The following MYRIP variants were observed in gnomAD, a reference collection of about 807,000 sequenced individuals.
MYRIP encodes rab effector MyRIP.
MYRIP carries 49 observed loss-of-function variants against 98.0 expected under a neutral mutation model. The observed-to-expected ratio is 0.50, with a 90% CI of 0.40 to 0.63. MYRIP has a LOEUF of 0.63. MYRIP is among the 30% of genes least tolerant of loss of function. The probability of loss-of-function intolerance (pLI) is 0.00; values close to 1 mark genes in which losing one functional copy is unlikely to be tolerated. For missense variants in MYRIP, 1,004 were observed against 1,058.2 expected (o/e 0.95, Z 0.71); for synonymous variants, 404 against 409.5 (o/e 0.99, Z 0.16).
intron 2 of MYRIP, among the ~76,000 whole-genome samples, chr3:39,993,347 G>T (rs1287237566): frequency 2.0e-5 from 3 of 152,120 alleles, no homozygotes; most frequent in Non-Finnish European, 4.4e-5. Context: ...ACTTTTTGGG[G>T]AATATATCAA....
chr3:39,854,203 C>G (rs1942219048), intron 1 of MYRIP, among the ~76,000 whole-genome samples: 1 of 152,030 alleles, frequency 6.6e-6, no homozygotes, highest in South Asian at 2.1e-4. Flanking sequence ...TCTAGCAAGG[C>G]CAGAAAAGTT....
intron 1 of MYRIP, among the ~76,000 whole-genome samples, chr3:39,827,830 T>A (rs2125580883): frequency 6.6e-6 from 1 of 152,280 alleles, no homozygotes; most frequent in South Asian, 2.1e-4. Flanking sequence ...TTATTTATCC[T>A]TCAATTCTGA....
intron 1 of MYRIP, among the ~76,000 whole-genome samples, chr3:39,885,491 C>T (rs1050512676): frequency 2.0e-5 from 3 of 152,110 alleles, no homozygotes; most frequent in Non-Finnish European, 4.4e-5. Context: ...TTGCTCTTCT[C>T]GCGGAGTATC....
At chr3:39,877,217 A>G (rs780014529) in intron 1 of MYRIP, among the ~76,000 whole-genome samples, 13 of 151,978 alleles carry the variant, frequency 8.6e-5, no homozygotes, top group Non-Finnish European at 1.8e-4. Flanking sequence ...ACTTCTCTGT[A>G]TTGGTTGTTC....
intron 2 of MYRIP, among the ~76,000 whole-genome samples, chr3:39,918,204 G>A (rs1433371442): frequency 6.6e-6 from 1 of 152,114 alleles, no homozygotes; most frequent in African/African-American, 2.4e-5. Flanking sequence ...ATGAGCCACC[G>A]CGCCCGGCCC....
At position 39,928,863 on chromosome 3, in the gene MYRIP, A is replaced by G. The variant is rs187699936; in HGVS notation, c.110+27937A>G. Among the ~76,000 whole-genome samples the G allele has an allele frequency of 3.3e-5, 5 of 152,074 alleles. No individual in the cohort carries two copies. In the East Asian group the frequency reaches 9.6e-4, roughly 29 times the overall value. ...TAGATGAGAAAAGGAAATAAAATGCATATAGTTTGGAAAGTGTGATGCATA... is the reference window on the plus strand; with the variant it reads ...TAGATGAGAAAAGGAAATAAAATGCGTATAGTTTGGAAAGTGTGATGCATA... On this transcript the variant is annotated intron_variant, in intron 2 of 16. Transcript: ENST00000302541.
intron 1 of MYRIP, among the ~76,000 whole-genome samples, chr3:39,889,331 A>G (rs2125656589): frequency 6.6e-6 from 1 of 152,326 alleles, no homozygotes; most frequent in Non-Finnish European, 1.5e-5. Context: ...CATATACACC[A>G]TGGAATATTA....
At chr3:40,057,287 C>T (rs561474529) in intron 3 of MYRIP, among the ~76,000 whole-genome samples, 97 of 152,188 alleles carry the variant, frequency 6.4e-4, no homozygotes, top group Non-Finnish European at 1.1e-3. Context: ...CCAGGGTGTT[C>T]TTCACATTTT....
chr3:39,856,256 G>A (rs1350509297), intron 1 of MYRIP, among the ~76,000 whole-genome samples: 1 of 152,176 alleles, frequency 6.6e-6, no homozygotes, highest in African/African-American at 2.4e-5. Context: ...GTACATTCCT[G>A]TGGTGGTTCT....
At chr3:40,037,683 C>T (rs1217219156) in intron 2 of MYRIP, among the ~76,000 whole-genome samples, 1 of 151,854 alleles carries the variant, frequency 6.6e-6, no homozygotes, top group Non-Finnish European at 1.5e-5. Flanking sequence ...ATCCTCCTGC[C>T]TACCCTGAGA....
chr3:40,118,231 G>A (rs1157303306), intron 3 of MYRIP, among the ~76,000 whole-genome samples: 1 of 144,882 alleles, frequency 6.9e-6, no homozygotes, highest in East Asian at 2.0e-4. Context: ...TATGTTGGCA[G>A]AGGCTAATAT....
chr3:39,920,732 G>C (rs1391292166), intron 2 of MYRIP, among the ~76,000 whole-genome samples: 1 of 152,158 alleles, frequency 6.6e-6, no homozygotes, highest in Non-Finnish European at 1.5e-5. Flanking sequence ...AGTATGAAGT[G>C]GAAGCTTTGC....
At chr3:40,059,769 T>C (rs1313481609) in intron 3 of MYRIP, among the ~76,000 whole-genome samples, 1 of 152,186 alleles carries the variant, frequency 6.6e-6, no homozygotes, top group Non-Finnish European at 1.5e-5. Context: ...CCTTTTTAGA[T>C]ACTGGTCTAA....
At chr3:39,853,279 G>T (rs1251916734) in intron 1 of MYRIP, among the ~76,000 whole-genome samples, 1 of 152,130 alleles carries the variant, frequency 6.6e-6, no homozygotes, top group African/African-American at 2.4e-5. Context: ...CCCAGTAGTG[G>T]GATTGCCGGA....
intron 11 of MYRIP, among the ~76,000 whole-genome samples, chr3:40,216,748 TC>T (rs1952132493): frequency 6.6e-6 from 1 of 152,166 alleles, no homozygotes. Context: ...GAAAGATAGT[TC>T]TGTAACATGA....
Position 40,044,124 on chromosome 3 carries a change from A to G in MYRIP, c.185A>G (p.His62Arg). Residue 62 changes from histidine to arginine, a missense_variant, in exon 3 of 17, where the codon CAC becomes CGC. Coordinates refer to ENST00000302541, the MANE Select transcript of MYRIP (RefSeq NM_015460.4). ...ILSKHQQFVEHCCMRCCSPFT... is the reference protein window; with the variant it reads ...ILSKHQQFVERCCMRCCSPFT... ...TCGAAGCACCAGCAGTTTGTGGAGC[A>G]CTGCTGCATGCGCTGCTGCTCGCCC... 1 of 1,614,172 alleles carries G rather than the reference A, an allele frequency of 6.2e-7. No homozygotes were observed. The highest frequency in any genetic ancestry group is 8.5e-7 in the Non-Finnish European group (1 of 1,180,026).
intron 1 of MYRIP, among the ~76,000 whole-genome samples, chr3:39,835,812 C>T (rs190942598): frequency 6.6e-6 from 1 of 152,238 alleles, no homozygotes; most frequent in African/African-American, 2.4e-5. Context: ...TCTCATTTTT[C>T]AACTCCCACT....
At chr3:39,876,201 T>C (rs1231656438) in intron 1 of MYRIP, among the ~76,000 whole-genome samples, 1 of 152,192 alleles carries the variant, frequency 6.6e-6, no homozygotes, top group East Asian at 1.9e-4. Flanking sequence ...TTGGTAGATC[T>C]TCTTCCATCG....
At chr3:39,967,562 T>C (rs1373853687) in intron 2 of MYRIP, among the ~76,000 whole-genome samples, 1 of 152,164 alleles carries the variant, frequency 6.6e-6, no homozygotes, top group Non-Finnish European at 1.5e-5. Flanking sequence ...TGTATGTCTT[T>C]ATGGTAGATG....
Sources: allele counts gnomAD v4.1 joint callset (sites outside exome capture counted in the v4.1 genomes callset), GRCh38; gene constraint gnomAD v4.1.1; transcripts MANE v1.5; gene names NCBI Gene and HGNC (gene_info 2026-07-23, HGNC 2026-07-21).